The following PDLIM1 variants were observed in gnomAD, a reference collection of about 807,000 sequenced individuals.
The protein encoded by PDLIM1 is PDZ and LIM domain 1.
In PDLIM1, 25 loss-of-function variants were observed where a neutral mutation model predicts 35.2. That is an observed-to-expected ratio of 0.71 (90% CI 0.52 to 0.99). The LOEUF is 0.99. Ranked by LOEUF, PDLIM1 falls within the 50% of genes least tolerant of loss-of-function variation. The pLI is 0.00. For missense variants in PDLIM1, 363 were observed against 415.3 expected (o/e 0.87, Z 1.09); for synonymous variants, 152 against 154.0 (o/e 0.99, Z 0.10).
chr10:95,261,084 G>C (rs45482599), intron 4 of PDLIM1, among the ~76,000 whole-genome samples: 1 of 152,058 alleles, frequency 6.6e-6, no homozygotes, highest in African/African-American at 2.4e-5. Flanking sequence ...TTTGATACTC[G>C]GCAACTACTG....
At chr10:95,240,389 G>T (rs1001719936) in intron 5 of PDLIM1, among the ~76,000 whole-genome samples, 1 of 152,204 alleles carries the variant, frequency 6.6e-6, no homozygotes, top group Non-Finnish European at 1.5e-5. Context: ...ACTAATGCAG[G>T]AACACAAAAC....
At chr10:95,289,792 ACAGGCAAGGAGTGGC>A (rs1008328346) in intron 1 of PDLIM1, among the ~76,000 whole-genome samples, 1 of 152,262 alleles carries the variant, frequency 6.6e-6, no homozygotes, top group African/African-American at 2.4e-5. Context: ...TGTGCCGCCT[ACAGGCAAGGAGTGGC>A]CATGGGTGGG....
intron 2 of PDLIM1, among the ~76,000 whole-genome samples, chr10:95,269,571 C>CCA (rs375013045): frequency 7.7e-6 from 1 of 130,350 alleles, no homozygotes; most frequent in African/African-American, 2.9e-5. Flanking sequence ...GACTCCATCC[C>CCA]AAAAAAAAAA....
At chr10:95,257,043 C>CAGAAAGAAAGAAA (rs2035322376) in intron 4 of PDLIM1, among the ~76,000 whole-genome samples, 1 of 53,992 alleles carries the variant, frequency 1.9e-5, no homozygotes, top group Non-Finnish European at 3.8e-5. Flanking sequence ...AGAAAGAATT[C>CAGAAAGAAAGAAA]AAAATAGATT....
intron 1 of PDLIM1, among the ~76,000 whole-genome samples, chr10:95,276,948 T>TA (rs2035517546): frequency 6.8e-6 from 1 of 146,876 alleles, no homozygotes. Flanking sequence ...CATGGTGGCT[T>TA]ACGCCTGTAA....
intron 1 of PDLIM1, among the ~76,000 whole-genome samples, chr10:95,272,484 C>T (rs935575184): frequency 6.6e-6 from 1 of 152,182 alleles, no homozygotes; most frequent in African/African-American, 2.4e-5. Flanking sequence ...TTGAGACCAG[C>T]CTGGCCAGCA....
chr10:95,260,704 G>T (rs2035353887), intron 4 of PDLIM1, among the ~76,000 whole-genome samples: 1 of 152,212 alleles, frequency 6.6e-6, no homozygotes, highest in Admixed American at 6.5e-5. Context: ...ATAGGACAAA[G>T]AAATCCAGGG....
At position 95,243,306 on chromosome 10, in the gene PDLIM1, T is replaced by C. The variant is rs544613176; in HGVS notation, c.685+3909A>G. Among the ~76,000 whole-genome samples, 5 of 152,310 alleles carry C rather than the reference T, an allele frequency of 3.3e-5. No homozygotes were observed. In the East Asian group the frequency reaches 9.6e-4, roughly 29 times the overall value. On this transcript the variant is annotated intron_variant, in intron 5 of 6. Coordinates refer to ENST00000329399, the MANE Select transcript of PDLIM1 (RefSeq NM_020992.4). Reference sequence around the variant, plus strand: ...TCTTCCTTTCTTCTCAACTAGCTTATAGTGAAAATACTAGCTTCCTTTGAA... The same window carrying C: ...TCTTCCTTTCTTCTCAACTAGCTTACAGTGAAAATACTAGCTTCCTTTGAA...
chr10:95,264,129 C>T (rs1309251449), intron 3 of PDLIM1, 66 bp from the exon 4 acceptor site: 13 of 1,388,662 alleles, frequency 9.4e-6, no homozygotes, highest in Non-Finnish European at 1.3e-5. Flanking sequence ...ATGGGCAGTG[C>T]AGGCTGAGCG....
At position 95,290,861 on chromosome 10, in the gene PDLIM1, C is replaced by G. The variant is rs148752201; in HGVS notation, c.55G>C (p.Val19Leu). 2 of 1,564,742 alleles carry G rather than the reference C, an allele frequency of 1.3e-6. No homozygotes were observed. The highest frequency in any genetic ancestry group is 1.7e-6 in the Non-Finnish European group (2 of 1,155,330). ...QGPGPWGFRL[V>L]GGKDFEQPLA... ...GGCTGCTCGAAGTCCTTGCCGCCCA[C>G]GAGGCGGAAGCCCCACGGCCCCGGG... The change falls in exon 1 of 7, where the codon GTG becomes CTG. Residue 19 changes from valine to leucine, a missense_variant. Val to Leu is a conservative substitution (Grantham distance 32, BLOSUM62 1). Transcript: ENST00000329399. This position sits in a 1 kb window ranked among gnomAD's most constrained non-coding sequence, Gnocchi z 4.7.
In PDLIM1 at chr10:95,278,453, G is replaced by A. The variant is rs370062306; in HGVS notation, c.97-6669C>T. ...CATCAAGAAGCTCACAGTCTCCTGG[G>A]GGGAGACAAGCATGTACAACAGCTG... On this transcript the variant is annotated intron_variant, in intron 1 of 6. Coordinates refer to ENST00000329399, the MANE Select transcript of PDLIM1 (RefSeq NM_020992.4). Among the ~76,000 whole-genome samples, 13 of 152,230 alleles carry A rather than the reference G, an allele frequency of 8.5e-5. No homozygotes were observed. In the East Asian group the frequency reaches 2.5e-3, roughly 29 times the overall value.
chr10:95,248,532 G>A (rs892262758), intron 4 of PDLIM1, among the ~76,000 whole-genome samples: 4 of 152,240 alleles, frequency 2.6e-5, no homozygotes, highest in Non-Finnish European at 5.9e-5. Flanking sequence ...ATAGGCATGG[G>A]CCAGAGTGCC....
intron 1 of PDLIM1, among the ~76,000 whole-genome samples, chr10:95,283,524 C>G (rs1303429281): frequency 6.6e-6 from 1 of 152,162 alleles, no homozygotes; most frequent in African/African-American, 2.4e-5. Flanking sequence ...CCCAATAGTT[C>G]ACTGAGATAT....
At chr10:95,268,939 C>A in intron 2 of PDLIM1, 77 bp from the exon 3 acceptor site, 3 of 1,018,746 alleles carry the variant, frequency 2.9e-6, no homozygotes, top group Non-Finnish European at 4.6e-6. Context: ...TGGAAAAATG[C>A]CCCCTCTTTC....
chr10:95,257,038 G>GAAAGAAAGAAAGAAAGAAAGA (rs1440640324), intron 4 of PDLIM1, among the ~76,000 whole-genome samples: 1 of 129,774 alleles, frequency 7.7e-6, no homozygotes, highest in Non-Finnish European at 1.6e-5. Context: ...AAGAAAGAAA[G>GAAAGAAAGAAAGAAAGAAAGA]AATTCAAAAT....
At chr10:95,254,372 T>C (rs768358038) in intron 4 of PDLIM1, among the ~76,000 whole-genome samples, 5 of 152,172 alleles carry the variant, frequency 3.3e-5, no homozygotes, top group Non-Finnish European at 5.9e-5. Flanking sequence ...AGTATACCTC[T>C]GAACAAGTAA....
At chr10:95,246,658 G>A (rs2035224184) in intron 5 of PDLIM1, among the ~76,000 whole-genome samples, 2 of 152,162 alleles carry the variant, frequency 1.3e-5, no homozygotes, top group Admixed American at 1.3e-4. Flanking sequence ...AACAGACCTG[G>A]GAAGGTTGAG....
At chr10:95,273,881 T>C (rs1052801325) in intron 1 of PDLIM1, among the ~76,000 whole-genome samples, 1 of 152,226 alleles carries the variant, frequency 6.6e-6, no homozygotes, top group Non-Finnish European at 1.5e-5. Flanking sequence ...CACTTCACTG[T>C]TACTAAAGGA....
At chr10:95,279,974 A>C (rs1177480870) in intron 1 of PDLIM1, among the ~76,000 whole-genome samples, 1 of 152,246 alleles carries the variant, frequency 6.6e-6, no homozygotes, top group Non-Finnish European at 1.5e-5. Context: ...CAAGTTCTTA[A>C]AAGTTGCATT....
Sources: gnomAD v4.1 joint callset for allele counts (sites outside exome capture counted in the v4.1 genomes callset) on GRCh38, gnomAD v4.1.1 for gene constraint, Gnocchi (gnomAD v3.1) non-coding constraint, MANE v1.5 for transcripts, NCBI Gene and HGNC (gene_info 2026-07-23, HGNC 2026-07-21) for gene names.